The following SCYL3 variants were observed in gnomAD, a reference collection of about 807,000 sequenced individuals.
SCYL3 encodes protein-associating with the carboxyl-terminal domain of ezrin.
In SCYL3, 35 loss-of-function variants were observed where a neutral mutation model predicts 73.8. The ratio of observed to expected loss-of-function variants is 0.47; its 90% CI spans 0.36 to 0.63. The LOEUF (loss-of-function observed/expected upper bound fraction) is 0.63. Among genes scored for constraint, SCYL3 ranks in the 20% least tolerant of loss-of-function variants. The pLI is 0.00. For missense variants in SCYL3, 712 were observed against 798.9 expected, an observed-to-expected ratio of 0.89 and a Z score of 1.31; for synonymous variants, 277 against 295.2, an observed-to-expected ratio of 0.94 and a Z score of 0.63.
rs200468000 is a variant in SCYL3, at chr1:169,878,715, C to T, written c.270G>A (p.Val90=). ...CTGCAGAAGACAATGTTTCCAAAGC[C>T]ACTTCCAGGGGCTGTACTCGCTCAG... ...LVTERVQPLE[V]ALETLSSAEV... Residue 90 remains valine, a synonymous_variant, in exon 3 of 13, where the codon GTG becomes GTA. Coordinates refer to ENST00000367771, the MANE Select transcript of SCYL3 (RefSeq NM_020423.7). 3.9e-5 allele frequency: 63 copies of T among 1,614,056 alleles called. No individual in the cohort carries two copies. The South Asian group carries it at 4.9e-4, about 13-fold the overall frequency.
At chr1:169,890,374 T>C (rs1446808213) in intron 1 of SCYL3, among the ~76,000 whole-genome samples, 1 of 152,264 alleles carries the variant, frequency 6.6e-6, no homozygotes, top group Non-Finnish European at 1.5e-5. Context: ...TTACTAACTC[T>C]GGCAATGTAG....
rs1226240900 is a variant in SCYL3, at chr1:169,854,913, A to G, written c.1364T>C (p.Val455Ala). Reference protein sequence around the residue: ...IKFPINGLSDVKNTSEDSENF... With the variant: ...IKFPINGLSDAKNTSEDSENF... ...TTCACTGTCCTCCGAAGTATTTTTT[A>G]CATCTGAGAGTCCATTTATGGGAAA... Residue 455 changes from valine to alanine, a missense_variant, in exon 12 of 13, where the codon GTA (valine) becomes GCA (alanine). By Grantham distance (64) the Val-to-Ala change is moderately conservative. Around this residue, in one of 2 missense-constraint regions of SCYL3, gnomAD observed 370 missense variants for 350.8 expected, o/e 1.05. Transcript: ENST00000367771. 6.2e-7 allele frequency: 1 copy of G among 1,613,142 alleles called. No individual in the cohort carries two copies. The highest frequency in any genetic ancestry group is 1.3e-5 in the African/African-American group (1 of 74,818).
chr1:169,859,128 G>C lies in SCYL3; in HGVS notation c.1225C>G (p.Pro409Ala). The C allele has an allele frequency of 6.2e-7, 1 of 1,614,024 alleles. No individual in the cohort carries two copies. Among genetic ancestry groups the C allele is most frequent in the Non-Finnish European group, 8.5e-7 (1 of 1,180,012 alleles). The change falls in exon 11 of 13, where the codon CCA becomes GCA. Residue 409 changes from proline to alanine, a missense_variant. By Grantham distance (27) the Pro-to-Ala change is conservative. Coordinates refer to ENST00000367771, the MANE Select transcript of SCYL3 (RefSeq NM_020423.7). The part of the protein sequence containing the change: ...SLAVLVSLLG[P>A]EVVVGGERTK... ...CGTTCTCCTCCCACAACCACCTCTG[G>C]TCCAAGCAGAGAGACCAGCACTGCT...
Position 169,862,698 on chromosome 1 carries a change from T to C in SCYL3, c.1055A>G (p.His352Arg). 1 of 1,614,166 alleles carries C rather than the reference T, an allele frequency of 6.2e-7. No individual in the cohort carries two copies. Among genetic ancestry groups the C allele is most frequent in the Non-Finnish European group, 8.5e-7 (1 of 1,180,016 alleles). ...LLQLFEVHEE[H>R]VRMVLLSHIE... ...GTGAGACAGCAGCACCATCCGCACA[T>C]GCTCTTCATGAACTTCAAACAACTG... Residue 352 changes from histidine to arginine, a missense_variant, in exon 10 of 13, where the codon CAT becomes CGT. His to Arg is a conservative substitution (Grantham distance 29, BLOSUM62 0). Coordinates refer to ENST00000367771, the MANE Select transcript of SCYL3 (RefSeq NM_020423.7).
chr1:169,866,852 T>C (rs374324337), intron 8 of SCYL3, 44 bp downstream of exon 8: 969 of 1,078,998 alleles, frequency 9.0e-4, no homozygotes, highest in Non-Finnish European at 1.2e-3. Flanking sequence ...TATATGGACT[T>C]AATCCAAGTT....
chr1:169,867,209 T>C (rs552346675), intron 7 of SCYL3, among the ~76,000 whole-genome samples: 308 of 152,352 alleles, frequency 2.0e-3, no homozygotes, highest in Admixed American at 4.8e-3. Context: ...TAAACACACA[T>C]ATGCTAACAT....
At chr1:169,861,052 G>A (rs1408432870) in intron 10 of SCYL3, among the ~76,000 whole-genome samples, 1 of 152,198 alleles carries the variant, frequency 6.6e-6, no homozygotes, top group Non-Finnish European at 1.5e-5. Context: ...CAGAGTTAAA[G>A]TGCTTCATTC....
chr1:169,880,026 G>C (rs898391003), intron 2 of SCYL3, among the ~76,000 whole-genome samples: 4 of 152,126 alleles, frequency 2.6e-5, no homozygotes, highest in African/African-American at 9.7e-5. Context: ...CCAGCACTTT[G>C]GGAGGCCAAT....
chr1:169,853,032 A>ATCC lies in SCYL3; in HGVS notation c.*680_*681insGGA. 6.3e-7 allele frequency: 1 copy of ATCC among 1,577,964 alleles called. No homozygotes were observed. The highest frequency in any genetic ancestry group is 8.7e-7 in the Non-Finnish European group (1 of 1,147,996). On this transcript the variant is annotated 3_prime_UTR_variant, in exon 13 of 13. Transcript: ENST00000367771. The stretch of plus-strand genomic sequence containing the variant: ...CTGGGTTTGATGCTTTGTCAACTGA[A>ATCC]AATACTTATGTCTGTACATTTTCTA...
At position 169,864,513 on chromosome 1, in the gene SCYL3, G is replaced by T. The variant is rs369354677; in HGVS notation, c.816-5C>A. On this transcript the variant is annotated splice_region_variant and splice_polypyrimidine_tract_variant and intron_variant, in intron 8 of 12. Transcript: ENST00000367771. ...CTGACTCTGTCCAGCAGAAATCTGAGGACAAAAAGGGAAAGCCCAGGAAAC... is the reference window on the plus strand; with the variant it reads ...CTGACTCTGTCCAGCAGAAATCTGATGACAAAAAGGGAAAGCCCAGGAAAC... The T allele has an allele frequency of 1.3e-6, 2 of 1,578,790 alleles. No individual in the cohort carries two copies. Among genetic ancestry groups the T allele is most frequent in the Non-Finnish European group, 1.7e-6 (2 of 1,167,522 alleles).
At chr1:169,858,455 A>T (rs911008393) in intron 11 of SCYL3, among the ~76,000 whole-genome samples, 4 of 152,158 alleles carry the variant, frequency 2.6e-5, no homozygotes, top group African/African-American at 9.7e-5. Flanking sequence ...CTCCTGAAGG[A>T]CCCCTGGAGG....
chr1:169,851,737 A>C lies in SCYL3; in HGVS notation c.*1976T>G. The C allele has an allele frequency of 1.3e-6, 2 of 1,536,978 alleles. No individual in the cohort carries two copies. Among genetic ancestry groups the C allele is most frequent in the Non-Finnish European group, 1.8e-6 (2 of 1,137,170 alleles). On this transcript the variant is annotated 3_prime_UTR_variant, in exon 13 of 13. Coordinates refer to ENST00000367771, the MANE Select transcript of SCYL3 (RefSeq NM_020423.7). ...TGCCTAGTATGGTTGAACACTCAGC[A>C]CTTAAATTATGTGGCCATTTCATAT...
intron 9 of SCYL3, 127 bp from the exon 10 acceptor site, chr1:169,862,924 T>G (rs1659767669): frequency 2.2e-6 from 2 of 901,168 alleles, no homozygotes; most frequent in South Asian, 3.5e-5. Flanking sequence ...ATTCTTTTTT[T>G]CTTTTTGAGA....
At chr1:169,871,826 C>T (rs1003788977) in intron 5 of SCYL3, among the ~76,000 whole-genome samples, 1 of 152,070 alleles carries the variant, frequency 6.6e-6, no homozygotes, top group Non-Finnish European at 1.5e-5. Context: ...TTGCCCCTGC[C>T]CTAAAGAACT....
rs1454338508 is a variant in SCYL3 at position 169,854,817 on chromosome 1, T to G, written c.1460A>C (p.Gln487Pro). 6.2e-7 allele frequency: 1 copy of G among 1,613,964 alleles called. No individual in the cohort carries two copies. The highest frequency in any genetic ancestry group is 2.2e-5 in the East Asian group (1 of 44,892). ...AGGCCAAATCTGTATGTTGACAGTT[T>G]GATTTTCAGGCTCCTCAGGTTCACT... ...DWSEPEEPENQTVNIQIWPRE... is the reference protein window; with the variant it reads ...DWSEPEEPENPTVNIQIWPRE... Residue 487 changes from glutamine (Q) to proline (P), a missense_variant, in exon 12 of 13, where the codon CAA becomes CCA. Coordinates refer to ENST00000367771, the MANE Select transcript of SCYL3 (RefSeq NM_020423.7).
chr1:169,888,470 G>GT (rs1398122467), intron 2 of SCYL3, among the ~76,000 whole-genome samples: 1 of 152,170 alleles, frequency 6.6e-6, no homozygotes, highest in Non-Finnish European at 1.5e-5. Context: ...GTTTTATGAT[G>GT]TTTTTTGGCT....
chr1:169,881,442 A>C (rs1334018126), intron 2 of SCYL3, among the ~76,000 whole-genome samples: 1 of 152,230 alleles, frequency 6.6e-6, no homozygotes, highest in Non-Finnish European at 1.5e-5. Flanking sequence ...AAACATTAGA[A>C]TTAGTCTCTT....
In SCYL3 at chr1:169,862,699, G is replaced by C; in HGVS notation, c.1054C>G (p.His352Asp). 6.2e-7 allele frequency: 1 copy of C among 1,614,192 alleles called. No individual in the cohort carries two copies. The highest frequency in any genetic ancestry group is 2.2e-5 in the East Asian group (1 of 44,878). The change falls in exon 10 of 13, where the codon CAT becomes GAT. Residue 352 changes from histidine to aspartate, a missense_variant. His to Asp is a moderately conservative substitution (Grantham distance 81). Around this residue, in one of 2 missense-constraint regions of SCYL3, gnomAD observed 342 missense variants for 448.1 expected, o/e 0.76. Coordinates refer to ENST00000367771, the MANE Select transcript of SCYL3 (RefSeq NM_020423.7). ...TGAGACAGCAGCACCATCCGCACATGCTCTTCATGAACTTCAAACAACTGG... is the reference window on the plus strand; with the variant it reads ...TGAGACAGCAGCACCATCCGCACATCCTCTTCATGAACTTCAAACAACTGG... Reference protein sequence around the residue: ...LLQLFEVHEEHVRMVLLSHIE... With the variant: ...LLQLFEVHEEDVRMVLLSHIE...
At chr1:169,875,911 G>A (rs1161554624) in intron 4 of SCYL3, 67 bp downstream of exon 4, 9 of 983,480 alleles carry the variant, frequency 9.2e-6, no homozygotes, top group African/African-American at 1.7e-5. Context: ...AAAGTGCCTA[G>A]GCAAGAACCA....
Sources: gnomAD v4.1 joint callset for allele counts (sites outside exome capture counted in the v4.1 genomes callset) on GRCh38, gnomAD v4.1.1 for gene constraint, gnomAD v4.1.1 regional missense constraint, MANE v1.5 for transcripts, NCBI Gene and HGNC (gene_info 2026-07-23, HGNC 2026-07-21) for gene names.